Variants in AMD1 observed in about 807,000 individuals in gnomAD.
AMD1 encodes S-adenosylmethionine decarboxylase proenzyme.
A neutral mutation model predicts 40.2 loss-of-function variants in AMD1; 11 were observed. The observed-to-expected ratio is 0.27, with a 90% CI of 0.17 to 0.45. The LOEUF (loss-of-function observed/expected upper bound fraction) is 0.45, where lower values mean the gene tolerates loss of function less well. AMD1 is among the 20% of genes least tolerant of loss of function. The pLI is 1.00. For missense variants in AMD1, 257 were observed against 410.2 expected, an observed-to-expected ratio of 0.63 and a Z score of 3.23; for synonymous variants, 121 against 130.8, an observed-to-expected ratio of 0.93 and a Z score of 0.51.
the AMD1 span, chr6:110,858,446 G>A: frequency 2.9e-6 from 3 of 1,021,522 alleles, no homozygotes; most frequent in African/African-American, 4.7e-5. Flanking sequence ...GCTACAGCCG[G>A]GCTCAGTCCT....
chr6:110,868,077 C>T, the AMD1 span, among the ~76,000 whole-genome samples: 7 of 152,116 alleles, frequency 4.6e-5, no homozygotes, highest in East Asian at 1.9e-4. Context: ...CTCCTGCCTC[C>T]GCCTTCCAAA....
At chr6:110,874,752 G>C, upstream of AMD1, 1 of 173,392 alleles carries the variant, frequency 5.8e-6, no homozygotes, top group Non-Finnish European at 1.2e-5. Flanking sequence ...GGGGAGCCGG[G>C]ATATATAAGG....
chr6:110,837,355 A>G, the AMD1 span, among the ~76,000 whole-genome samples: 1 of 151,462 alleles, frequency 6.6e-6, no homozygotes, highest in Non-Finnish European at 1.5e-5. Flanking sequence ...AGTTGTCTAC[A>G]TGCTTTCTAT....
the AMD1 span, chr6:110,815,001 G>C: frequency 1.2e-6 from 2 of 1,603,602 alleles, no homozygotes; most frequent in South Asian, 1.1e-5. Context: ...TCCCGCCCCT[G>C]CTCTTACCCA....
the AMD1 span, among the ~76,000 whole-genome samples, chr6:110,852,051 T>C: frequency 7.1e-6 from 1 of 140,806 alleles, no homozygotes; most frequent in Non-Finnish European, 1.5e-5. Context: ...TAACGAGATT[T>C]TTTTGTTTTT....
At chr6:110,858,196 G>GT in the AMD1 span, 213,607 of 683,882 alleles carry the variant, frequency 0.31, 37,707 homozygotes, top group East Asian at 0.7. Flanking sequence ...CTGCCAGGCC[G>GT]TCTGTTTCGT....
chr6:110,833,812 G>A, the AMD1 span, among the ~76,000 whole-genome samples: 12 of 151,950 alleles, frequency 7.9e-5, no homozygotes, highest in Admixed American at 1.3e-4. Context: ...TCAGGAGTTC[G>A]AGACCAGCCT....
At chr6:110,832,372 A>G in the AMD1 span, among the ~76,000 whole-genome samples, 14 of 151,306 alleles carry the variant, frequency 9.3e-5, no homozygotes, top group African/African-American at 3.4e-4. Context: ...GCTGGTCTCA[A>G]ACTCCTGGAC....
chr6:110,844,227 C>CA, the AMD1 span, among the ~76,000 whole-genome samples: 21,220 of 141,846 alleles, frequency 0.15, 1,687 homozygotes, highest in East Asian at 0.32. Flanking sequence ...GTCCCTACTT[C>CA]AAAAAAAAAG....
At chr6:110,858,614 G>A in the AMD1 span, 4 of 1,512,028 alleles carry the variant, frequency 2.6e-6, no homozygotes, top group African/African-American at 1.4e-5. Context: ...GTCTCTTCTC[G>A]CCCTGGTGAG....
At chr6:110,832,323 TA>T in the AMD1 span, among the ~76,000 whole-genome samples, 3 of 151,898 alleles carry the variant, frequency 2.0e-5, no homozygotes, top group African/African-American at 7.3e-5. Context: ...GCTAATTTTT[TA>T]ATTTTTTGTA....
chr6:110,832,565 C>T, the AMD1 span, among the ~76,000 whole-genome samples: 1 of 152,224 alleles, frequency 6.6e-6, no homozygotes, highest in African/African-American at 2.4e-5. Flanking sequence ...CCACCTGCAT[C>T]TCTCCAACCT....
the AMD1 span, among the ~76,000 whole-genome samples, chr6:110,857,939 G>A: frequency 7.5e-4 from 114 of 151,952 alleles, 3 homozygotes; most frequent in East Asian, 0.018. Flanking sequence ...AACTCAAGCT[G>A]TCCTTCCCCC....
intron 1 of AMD1, among the ~76,000 whole-genome samples, chr6:110,879,319 G>T (rs567003747): frequency 6.6e-6 from 1 of 152,160 alleles, no homozygotes; most frequent in Non-Finnish European, 1.5e-5. Flanking sequence ...GCACCAGTGC[G>T]CTCCATCTGG....
the AMD1 span, among the ~76,000 whole-genome samples, chr6:110,837,147 G>A: frequency 8.8e-6 from 1 of 113,368 alleles, no homozygotes. Flanking sequence ...CACCACTGCA[G>A]TACAGTCTGA....
At chr6:110,872,457 G>A (rs780706391), upstream of AMD1, among the ~76,000 whole-genome samples, 1 of 152,134 alleles carries the variant, frequency 6.6e-6, no homozygotes, top group Non-Finnish European at 1.5e-5. Flanking sequence ...AGCCAATGAG[G>A]CATTTTTAAA....
chr6:110,893,411 C>A, intron 8 of AMD1, 65 bp from the exon 9 acceptor site: 1 of 1,583,098 alleles, frequency 6.3e-7, no homozygotes, highest in East Asian at 2.2e-5. Flanking sequence ...TGTCACTTAA[C>A]TGTTTTGGTT....
chr6:110,830,135 C>T, the AMD1 span, among the ~76,000 whole-genome samples: 1 of 151,936 alleles, frequency 6.6e-6, no homozygotes, highest in South Asian at 2.1e-4. Context: ...CTGCCTCAGC[C>T]TCCTGAGTAG....
intron 1 of AMD1, among the ~76,000 whole-genome samples, chr6:110,882,821 G>C (rs1007983331): frequency 5.9e-5 from 9 of 152,200 alleles, no homozygotes; most frequent in Non-Finnish European, 1.0e-4. Context: ...TGATGAGTGA[G>C]TATAAGAGCA....
Sources: gnomAD v4.1 joint callset for allele counts (sites outside exome capture counted in the v4.1 genomes callset) on GRCh38, gnomAD v4.1.1 for gene constraint, MANE v1.5 for transcripts, NCBI Gene and HGNC (gene_info 2026-07-23, HGNC 2026-07-21) for gene names.